COG4: variants seen among roughly 807,000 people sequenced by gnomAD.
The protein encoded by COG4 is conserved oligomeric Golgi complex subunit 4.
A neutral mutation model predicts 95.1 loss-of-function variants in COG4; 65 were observed. The ratio of observed to expected loss-of-function variants is 0.68; its 90% confidence interval spans 0.56 to 0.84. The LOEUF is 0.84. COG4 is among the 40% of genes least tolerant of loss of function. The pLI is 0.00. For missense variants in COG4, 1,045 were observed against 989.1 expected (o/e 1.06, Z -0.76); for synonymous variants, 421 against 374.8 (o/e 1.12, Z -1.42).
intron 12 of COG4, among the ~76,000 whole-genome samples, chr16:70,492,055 A>G (rs1252727155): frequency 6.6e-6 from 1 of 152,098 alleles, no homozygotes; most frequent in Admixed American, 6.6e-5. Flanking sequence ...AAAGCAGGAA[A>G]AGGGACAGAC....
At chr16:70,496,171 G>T in intron 12 of COG4, 95 bp downstream of exon 12, 1 of 1,312,962 alleles carries the variant, frequency 7.6e-7, no homozygotes, top group South Asian at 1.2e-5. Flanking sequence ...TGGAGGAAAA[G>T]TCTCTAGCTA....
chr16:70,522,664 T>C (rs2049974364), intron 1 of COG4, among the ~76,000 whole-genome samples: 1 of 152,194 alleles, frequency 6.6e-6, no homozygotes, highest in African/African-American at 2.4e-5. Context: ...CTCTTTTGAC[T>C]AGCAAGGAAC....
chr16:70,497,296 G>A lies in COG4; in HGVS notation c.1406C>T (p.Ala469Val). The change falls in exon 11 of 19, where the codon GCT becomes GTT. Residue 469 changes from alanine to valine, a missense_variant. Transcript: ENST00000323786. Reference sequence around the variant, plus strand: ...ACAGTCAATGCTGGAGCTGGACAGAGCCCGCCCAATGCACTTCTTAACAAT... The same window carrying A: ...ACAGTCAATGCTGGAGCTGGACAGAACCCGCCCAATGCACTTCTTAACAAT... ...FYIVKKCIGR[A>V]LSSSSIDCLC... 6.2e-7 allele frequency: 1 copy of A among 1,614,144 alleles called. No individual in the cohort carries two copies. Among genetic ancestry groups the A allele is most frequent in the Non-Finnish European group, 8.5e-7 (1 of 1,180,032 alleles).
chr16:70,483,575 C>T (rs143931390), intron 14 of COG4, among the ~76,000 whole-genome samples: 2 of 152,200 alleles, frequency 1.3e-5, no homozygotes, highest in East Asian at 3.9e-4. Context: ...CCATGTGGCT[C>T]CACTTCCTCT....
At chr16:70,514,059 C>A (rs2049769758) in intron 4 of COG4, among the ~76,000 whole-genome samples, 1 of 151,940 alleles carries the variant, frequency 6.6e-6, no homozygotes, top group Admixed American at 6.6e-5. Flanking sequence ...ATACAAAAAA[C>A]ATTAGTGAGG....
chr16:70,482,457 GA>G (rs570313274), intron 15 of COG4: 3 of 601,510 alleles, frequency 5.0e-6, no homozygotes, highest in South Asian at 2.0e-5. Flanking sequence ...ACGCCAGGAG[GA>G]AAAAAACGCT....
chr16:70,512,868 C>T (rs1194228348), intron 4 of COG4, among the ~76,000 whole-genome samples: 1 of 152,208 alleles, frequency 6.6e-6, no homozygotes, highest in Non-Finnish European at 1.5e-5. Flanking sequence ...GTCCCAGTTA[C>T]TCAGGAGGCT....
At chr16:70,497,074 G>T in intron 11 of COG4, 147 bp downstream of exon 11, 3 of 829,306 alleles carry the variant, frequency 3.6e-6, no homozygotes, top group Non-Finnish European at 5.8e-6. Context: ...GCTTCCTGGA[G>T]CCAAGGATAC....
In COG4 at chr16:70,517,772, C is replaced by A. The variant is rs758000359; in HGVS notation, c.255-32G>T. On this transcript the variant is annotated intron_variant, in intron 2 of 18. Transcript: ENST00000323786. ...AAATACATTGTTAGCATACACATAA[C>A]GATAGGGCAGAGAAGAGACAGAAAC... 24 of 1,449,126 alleles carry A rather than the reference C, an allele frequency of 1.7e-5. No individual in the cohort carries two copies. The Admixed American group carries it at 2.8e-4, about 17-fold the overall frequency. The allele number at this position is 1,449,126 out of a possible 1,614,324, so 89.8% of individuals were successfully genotyped here.
chr16:70,507,551 G>A (rs1394521546), intron 8 of COG4, among the ~76,000 whole-genome samples: 1 of 152,044 alleles, frequency 6.6e-6, no homozygotes, highest in Non-Finnish European at 1.5e-5. Context: ...GTCTAATGAT[G>A]TATTTCTCAG....
At chr16:70,521,304 T>C (rs2151766854) in intron 1 of COG4, among the ~76,000 whole-genome samples, 1 of 152,058 alleles carries the variant, frequency 6.6e-6, no homozygotes, top group East Asian at 1.9e-4. Context: ...GCAACCTCCC[T>C]GCCCTGGGGT....
At chr16:70,516,043 A>G (rs1567396247) in intron 3 of COG4, 1 of 455,948 alleles carries the variant, frequency 2.2e-6, no homozygotes, top group East Asian at 7.0e-5. Flanking sequence ...GAGTGTTTCT[A>G]CCACGAAAGG....
intron 10 of COG4, 88 bp from the exon 11 acceptor site, chr16:70,497,475 T>A: frequency 6.3e-6 from 8 of 1,271,428 alleles, no homozygotes; most frequent in Non-Finnish European, 7.9e-6. Flanking sequence ...CTAGCTCTGC[T>A]CCCTTTTCTG....
intron 8 of COG4, among the ~76,000 whole-genome samples, chr16:70,501,898 CTGGCCTCAAGTGATCCTCCTGCCT>C (rs1294536219): frequency 2.0e-5 from 3 of 151,860 alleles, no homozygotes; most frequent in Non-Finnish European, 4.4e-5. Context: ...TCTCGAACTC[CTGGCCTCAAGTGATCCTCCTGCCT>C]TGGCCTCTTG....
chr16:70,519,850 A>G (rs2049898408), intron 1 of COG4, 119 bp from the exon 2 acceptor site: 3 of 759,570 alleles, frequency 3.9e-6, no homozygotes, highest in African/African-American at 3.4e-5. Context: ...TCCTTCCACT[A>G]TGTTCTCCTT....
chr16:70,490,037 C>T (rs1210808936), intron 13 of COG4, among the ~76,000 whole-genome samples: 1 of 152,022 alleles, frequency 6.6e-6, no homozygotes, highest in African/African-American at 2.4e-5. Flanking sequence ...AGGCTGGTCT[C>T]GAACTCCTGA....
At chr16:70,493,537 T>C (rs1597664624) in intron 12 of COG4, among the ~76,000 whole-genome samples, 1 of 151,968 alleles carries the variant, frequency 6.6e-6, no homozygotes, top group Non-Finnish European at 1.5e-5. Context: ...GTGCAATGAG[T>C]AAGAGAGTGA....
At chr16:70,522,538 T>C (rs532571575) in intron 1 of COG4, among the ~76,000 whole-genome samples, 4 of 152,332 alleles carry the variant, frequency 2.6e-5, no homozygotes, top group African/African-American at 9.6e-5. Flanking sequence ...AAGTTTATAC[T>C]TGAAAATACT....
At chr16:70,505,252 C>T (rs545856476) in intron 8 of COG4, among the ~76,000 whole-genome samples, 13 of 143,648 alleles carry the variant, frequency 9.0e-5, no homozygotes, top group African/African-American at 2.9e-4. Context: ...GGCTGGAGTG[C>T]AGTGGCACGA....
Sources: gnomAD v4.1 joint callset for allele counts (sites outside exome capture counted in the v4.1 genomes callset) on GRCh38, gnomAD v4.1.1 for gene constraint, MANE v1.5 for transcripts, NCBI Gene and HGNC (gene_info 2026-07-23, HGNC 2026-07-21) for gene names.